The following ARHGEF18 variants were observed in gnomAD, a reference collection of about 807,000 sequenced individuals.
The protein encoded by ARHGEF18 is rho guanine nucleotide exchange factor 18.
In ARHGEF18, 93 loss-of-function variants were observed where a neutral mutation model predicts 155.7. The ratio of observed to expected loss-of-function variants is 0.60; its 90% CI spans 0.50 to 0.71. The LOEUF (loss-of-function observed/expected upper bound fraction) is 0.71. Ranked by LOEUF, ARHGEF18 falls within the 30% of genes least tolerant of loss-of-function variation. ARHGEF18 has a pLI of 0.00. For missense variants in ARHGEF18, 1,593 were observed against 1,816.1 expected (o/e 0.88, Z 2.23); for synonymous variants, 742 against 753.1 (o/e 0.99, Z 0.24).
chr19:7,356,329 G>C (rs1969304385), intron 1 of ARHGEF18, among the ~76,000 whole-genome samples: 2 of 150,578 alleles, frequency 1.3e-5, no homozygotes, highest in African/African-American at 4.9e-5. Flanking sequence ...GGAGTGCAGT[G>C]GCGCGATCTC....
chr19:7,465,111 G>C (rs1976530310), intron 23 of ARHGEF18, among the ~76,000 whole-genome samples: 1 of 152,210 alleles, frequency 6.6e-6, no homozygotes, highest in Non-Finnish European at 1.5e-5. Flanking sequence ...AGAGGCCAAG[G>C]CCAGTTGCCT....
rs1312308579 is a variant in ARHGEF18 at position 7,385,888 on chromosome 19, CTCCCTCCCTCTCTCT to C, written c.967+2686_967+2700del. 3.9e-4 allele frequency among the ~76,000 whole-genome samples: 25 copies of C among 64,622 alleles called. 2 individuals are homozygous for C. Among genetic ancestry groups the C allele is most frequent in the African/African-American group, 2.5e-3 (22 of 8,956 alleles). 42.4% of individuals were successfully genotyped at this position (64,622 alleles called of 152,430 possible). ...CTCTCTCTCCCCCCTCCCTCTCTCC[CTCCCTCCCTCTCTCT>C]CTCCCTCTCTCCCTCTCTCTCTCTC... On this transcript the variant is annotated intron_variant, in intron 10 of 28. Coordinates refer to ENST00000668164, the MANE Select transcript of ARHGEF18 (RefSeq NM_001367823.1).
chr19:7,438,958 C>T (rs376103129), intron 10 of ARHGEF18, among the ~76,000 whole-genome samples: 1 of 151,904 alleles, frequency 6.6e-6, no homozygotes, highest in East Asian at 1.9e-4. Context: ...CTGCAACCTC[C>T]GACTCCCGGG....
chr19:7,409,809 G>A (rs562906301), intron 10 of ARHGEF18, among the ~76,000 whole-genome samples: 7 of 128,366 alleles, frequency 5.5e-5, no homozygotes, highest in South Asian at 2.5e-4. Flanking sequence ...TCACTCTGTC[G>A]CCTAGGCTGG....
intron 10 of ARHGEF18, among the ~76,000 whole-genome samples, chr19:7,435,547 G>A (rs568378892): frequency 2.6e-5 from 4 of 152,200 alleles, no homozygotes; most frequent in East Asian, 1.9e-4. Flanking sequence ...TGAGGGCAGC[G>A]GGACCGTGGC....
chr19:7,350,994 G>A (rs1412696730), intron 1 of ARHGEF18, among the ~76,000 whole-genome samples: 1 of 152,076 alleles, frequency 6.6e-6, no homozygotes, highest in Non-Finnish European at 1.5e-5. Context: ...AGTAGAGACA[G>A]GGTTTCACCA....
Position 7,468,812 on chromosome 19 carries a change from G to T in ARHGEF18, c.3481-13G>T, listed in dbSNP as rs914780714. On this transcript the variant is annotated splice_polypyrimidine_tract_variant and intron_variant, in intron 26 of 28. Coordinates refer to ENST00000668164, the MANE Select transcript of ARHGEF18 (RefSeq NM_001367823.1). The stretch of plus-strand genomic sequence containing the variant: ...GAACCTCACATTGGATGTATCTGCT[G>T]TTGTCCCCTCAGGCCCAGCCCCCAA... 2.6e-6 allele frequency: 4 copies of T among 1,532,334 alleles called. No homozygotes were observed. The Admixed American group carries it at 7.8e-5, about 30-fold the overall frequency. 94.9% of individuals were successfully genotyped at this position (1,532,334 alleles called of 1,614,324 possible). A position where few individuals can be genotyped will look rare whatever the true frequency, so the allele number is the denominator to read the frequency against.
At position 7,468,943 on chromosome 19, in the gene ARHGEF18, G is replaced by T; in HGVS notation, c.3599G>T (p.Arg1200Leu). The change falls in exon 27 of 29, where the codon CGG (arginine) becomes CTG (leucine). Residue 1200 changes from arginine to leucine, a missense_variant. Physicochemically the swap from Arg to Leu is moderately radical, Grantham distance 102 (BLOSUM62 -2). Coordinates refer to ENST00000668164, the MANE Select transcript of ARHGEF18 (RefSeq NM_001367823.1). The stretch of plus-strand genomic sequence containing the variant: ...GCAGAGCGCCCCGAGGTGGCTCGCC[G>T]GGACAGCGCCCCCACCGAGAACCGG... ...EYAERPEVAR[R>L]DSAPTENRLA... The T allele has an allele frequency of 6.3e-7, 1 of 1,576,346 alleles. No homozygotes were observed. The highest frequency in any genetic ancestry group is 2.4e-5 in the East Asian group (1 of 42,290).
At chr19:7,475,504 A>C (rs532342574), downstream of ARHGEF18, among the ~76,000 whole-genome samples, 29 of 151,526 alleles carry the variant, frequency 1.9e-4, no homozygotes, top group Admixed American at 1.4e-3. Flanking sequence ...TATGTGAATT[A>C]TATTTCCATA....
chr19:7,376,202 G>C (rs1384954560), intron 4 of ARHGEF18, among the ~76,000 whole-genome samples: 1 of 152,182 alleles, frequency 6.6e-6, no homozygotes, highest in Non-Finnish European at 1.5e-5. Context: ...GTGTAGCCCT[G>C]CAGCCGGAAG....
chr19:7,473,282 A>G (rs769921732), downstream of ARHGEF18: 37 of 456,230 alleles, frequency 8.1e-5, 1 homozygote, highest in South Asian at 5.4e-4. Context: ...AGGAAGCGCA[A>G]AAAGGGAACT....
chr19:7,399,035 A>G lies in ARHGEF18; in HGVS notation c.967+15832A>G, dbSNP rs1463033928. Among the ~76,000 whole-genome samples, 5 of 152,162 alleles carry G rather than the reference A, an allele frequency of 3.3e-5. No individual in the cohort carries two copies. In the East Asian group the frequency reaches 9.6e-4, roughly 29 times the overall value. ...CTTCAAACTCTATGACTTACAAAAC[A>G]TTTTTGCTGCCACCTCTCTGAAAAT... is the stretch of plus-strand genomic sequence containing the variant. On this transcript the variant is annotated intron_variant, in intron 10 of 28. Transcript: ENST00000668164.
At chr19:7,384,379 C>T (rs539277015) in intron 10 of ARHGEF18, among the ~76,000 whole-genome samples, 1 of 152,324 alleles carries the variant, frequency 6.6e-6, no homozygotes, top group Non-Finnish European at 1.5e-5. Flanking sequence ...ATGAGATGGG[C>T]AAACAGATCC....
intron 10 of ARHGEF18, among the ~76,000 whole-genome samples, chr19:7,393,537 C>G (rs1385116175): frequency 6.6e-6 from 1 of 152,064 alleles, no homozygotes; most frequent in African/African-American, 2.4e-5. Flanking sequence ...CCTGGCTGAC[C>G]AGCCAACCTT....
At chr19:7,356,399 G>A (rs147674520) in intron 1 of ARHGEF18, among the ~76,000 whole-genome samples, 16 of 151,452 alleles carry the variant, frequency 1.1e-4, no homozygotes, top group African/African-American at 2.9e-4. Context: ...TCAGCCTTTC[G>A]GGTAGCTGGA....
rs1973038852 is a variant in ARHGEF18, at chr19:7,416,627, G to T, written c.968-23717G>T. Among the ~76,000 whole-genome samples, 3 of 118,636 alleles carry T rather than the reference G, an allele frequency of 2.5e-5. 1 individual carries two copies. Among genetic ancestry groups the T allele is most frequent in the Admixed American group, 1.0e-4 (1 of 9,984 alleles). 77.8% of individuals were successfully genotyped at this position (118,636 alleles called of 152,430 possible). A position where few individuals can be genotyped will look rare whatever the true frequency, so the allele number is the denominator to read the frequency against. On this transcript the variant is annotated intron_variant, in intron 10 of 28. Transcript: ENST00000668164. ...TGGGTTTTTTTTTTTTTTTGAGACAGAGTCTTGCTCTGCTGCCAAGCCTGG... is the reference window on the plus strand; with the variant it reads ...TGGGTTTTTTTTTTTTTTTGAGACATAGTCTTGCTCTGCTGCCAAGCCTGG...
At chr19:7,399,773 C>CTTT (rs776187441) in intron 10 of ARHGEF18, among the ~76,000 whole-genome samples, 20 of 136,138 alleles carry the variant, frequency 1.5e-4, no homozygotes, top group African/African-American at 4.7e-4. Context: ...GCCACCACGC[C>CTTT]TTTTTTTTTT....
At chr19:7,436,523 C>G (rs558045648) in intron 10 of ARHGEF18, among the ~76,000 whole-genome samples, 28 of 152,252 alleles carry the variant, frequency 1.8e-4, no homozygotes, top group African/African-American at 6.5e-4. Context: ...AATGATCCAC[C>G]CCGCTCGGCC....
rs149124947 is a variant in ARHGEF18 at position 7,350,930 on chromosome 19, A to G, written c.-111+1689A>G. Among the ~76,000 whole-genome samples the G allele has an allele frequency of 6.1e-3, 922 of 152,056 alleles. 9 individuals carry two copies. The highest frequency in any genetic ancestry group is 0.021 in the African/African-American group (875 of 41,458). ...GCAATTCTCCTGCCTCAGCCTCCCAAGTAGCTGGGATTACAGGCACACGCC... is the reference window on the plus strand; with the variant it reads ...GCAATTCTCCTGCCTCAGCCTCCCAGGTAGCTGGGATTACAGGCACACGCC... On this transcript the variant is annotated intron_variant, in intron 1 of 28. Coordinates refer to ENST00000668164, the MANE Select transcript of ARHGEF18 (RefSeq NM_001367823.1).
Sources: gnomAD v4.1 joint callset for allele counts (sites outside exome capture counted in the v4.1 genomes callset) on GRCh38, gnomAD v4.1.1 for gene constraint, MANE v1.5 for transcripts, NCBI Gene and HGNC (gene_info 2026-07-23, HGNC 2026-07-21) for gene names.